Variants in SCAPER observed in about 807,000 individuals in gnomAD.
SCAPER encodes S-phase cyclin A associated protein in the ER.
A neutral mutation model predicts 182.2 loss-of-function variants in SCAPER; 98 were observed. The ratio of observed to expected loss-of-function variants is 0.54; its 90% CI spans 0.46 to 0.64. SCAPER has a LOEUF of 0.64. SCAPER is among the 30% of genes least tolerant of loss of function. The probability of loss-of-function intolerance (pLI) is 0.00; values close to 1 mark genes in which losing one functional copy is unlikely to be tolerated. For synonymous variants in SCAPER, 605 were observed against 564.6 expected, an observed-to-expected ratio of 1.07 and a Z score of -1.01; for missense variants, 1,432 against 1,690.0, an observed-to-expected ratio of 0.85 and a Z score of 2.68.
intron 29 of SCAPER, among the ~76,000 whole-genome samples, chr15:76,360,218 A>G (rs1166988622): frequency 1.3e-5 from 2 of 152,224 alleles, no homozygotes; most frequent in African/African-American, 2.4e-5. Flanking sequence ...TTCTAGGACA[A>G]TGCTTTGCCA....
At chr15:76,884,833 T>C (rs758855341) in intron 1 of SCAPER, among the ~76,000 whole-genome samples, 4 of 152,050 alleles carry the variant, frequency 2.6e-5, no homozygotes, top group African/African-American at 7.2e-5. Context: ...TAAAAATGGA[T>C]AGACCAAAAA....
At chr15:76,851,235 G>A (rs1599097559) in intron 4 of SCAPER, among the ~76,000 whole-genome samples, 1 of 151,814 alleles carries the variant, frequency 6.6e-6, no homozygotes, top group African/African-American at 2.4e-5. Flanking sequence ...GAAAAGGATG[G>A]GGAGAAAACA....
At chr15:76,855,457 CAAAAAAAA>C (rs34226154) in intron 4 of SCAPER, among the ~76,000 whole-genome samples, 22 of 116,300 alleles carry the variant, frequency 1.9e-4, no homozygotes, top group Admixed American at 3.4e-4. Flanking sequence ...TTCTGCACAG[CAAAAAAAA>C]AAAAAAAAAA....
At chr15:76,777,248 G>A (rs1189966759) in intron 8 of SCAPER, among the ~76,000 whole-genome samples, 1 of 152,096 alleles carries the variant, frequency 6.6e-6, no homozygotes, top group Non-Finnish European at 1.5e-5. Flanking sequence ...TGCCCATTGT[G>A]AATTTTATTA....
At chr15:76,791,136 A>C (rs2064976363) in intron 8 of SCAPER, among the ~76,000 whole-genome samples, 1 of 152,228 alleles carries the variant, frequency 6.6e-6, no homozygotes, top group Non-Finnish European at 1.5e-5. Context: ...ATTTAATCCC[A>C]CTGTGATCAG....
At chr15:76,706,116 G>A in intron 17 of SCAPER, 132 bp from the exon 18 acceptor site, 1 of 552,792 alleles carries the variant, frequency 1.8e-6, no homozygotes, top group Non-Finnish European at 3.0e-6. Context: ...TCTTCTTAAA[G>A]TGCCTACTAA....
At chr15:76,658,063 A>C (rs2055822940) in intron 21 of SCAPER, among the ~76,000 whole-genome samples, 1 of 152,184 alleles carries the variant, frequency 6.6e-6, no homozygotes, top group African/African-American at 2.4e-5. Context: ...AATCCTAACC[A>C]GAGCAATCAG....
At chr15:76,461,233 G>A (rs1057230453) in intron 25 of SCAPER, among the ~76,000 whole-genome samples, 37 of 151,966 alleles carry the variant, frequency 2.4e-4, no homozygotes, top group African/African-American at 7.5e-4. Flanking sequence ...GGGTACTGAC[G>A]TTGACATAGC....
chr15:76,782,496 T>A (rs912706670), intron 8 of SCAPER, among the ~76,000 whole-genome samples: 3 of 152,096 alleles, frequency 2.0e-5, no homozygotes, highest in African/African-American at 7.2e-5. Flanking sequence ...AGCAAAGATA[T>A]CCATGACTTG....
At position 76,567,136 on chromosome 15, in the gene SCAPER, G is replaced by A. The variant is rs73455162; in HGVS notation, c.2838+7022C>T. The stretch of plus-strand genomic sequence containing the variant: ...GTCTTTTCTTGAACTTTATATGACT[G>A]GAATTGTAACAGTATATATATTTTT... On this transcript the variant is annotated intron_variant, in intron 23 of 31. Coordinates refer to ENST00000563290, the MANE Select transcript of SCAPER (RefSeq NM_020843.4). 698 of 241,250 alleles carry A rather than the reference G, an allele frequency of 2.9e-3. 7 individuals are homozygous for A. The highest frequency in any genetic ancestry group is 0.015 in the African/African-American group (661 of 43,170). 14.9% of individuals were successfully genotyped at this position (241,250 alleles called of 1,614,324 possible). A position where few individuals can be genotyped will look rare whatever the true frequency, so the allele number is the denominator to read the frequency against.
chr15:76,478,199 TATC>T, intron 24 of SCAPER, among the ~76,000 whole-genome samples: 1 of 149,314 alleles, frequency 6.7e-6, no homozygotes, highest in Non-Finnish European at 1.5e-5. Flanking sequence ...AGTTGCTATT[TATC>T]ATCATCTTTT....
chr15:76,555,994 C>A (rs549089285), intron 23 of SCAPER, among the ~76,000 whole-genome samples: 58 of 152,252 alleles, frequency 3.8e-4, no homozygotes, highest in African/African-American at 1.2e-3. Flanking sequence ...TAAAACAATT[C>A]TCAGCAAATT....
rs2049980785 is a variant in SCAPER, at chr15:76,602,235, C to T, written c.2711+19529G>A. 1.6e-5 allele frequency among the ~76,000 whole-genome samples: 2 copies of T among 121,876 alleles called. 1 individual carries two copies. The highest frequency in any genetic ancestry group is 4.0e-5 in the Non-Finnish European group (2 of 50,108). The allele number at this position is 121,876 out of a possible 152,430, so 80.0% of individuals were successfully genotyped here. A position where few individuals can be genotyped will look rare whatever the true frequency, so the allele number is the denominator to read the frequency against. ...AAATTATTCCTTTTGTTATACAGAT[C>T]TGAGTTTCTGATCTGTATCATTTAA... On this transcript the variant is annotated intron_variant, in intron 22 of 31. Transcript: ENST00000563290.
chr15:76,370,829 C>T (rs2042116124), intron 29 of SCAPER, among the ~76,000 whole-genome samples: 1 of 152,204 alleles, frequency 6.6e-6, no homozygotes, highest in Non-Finnish European at 1.5e-5. Context: ...TGTTCATTTA[C>T]ACTTTCCAAG....
chr15:76,779,005 T>C (rs2063923195), intron 8 of SCAPER, among the ~76,000 whole-genome samples: 2 of 151,878 alleles, frequency 1.3e-5, no homozygotes, highest in African/African-American at 4.8e-5. Context: ...TATTGGATAA[T>C]GATAAAAAGT....
intron 15 of SCAPER, among the ~76,000 whole-genome samples, chr15:76,748,795 T>C (rs1271104300): frequency 6.6e-6 from 1 of 151,522 alleles, no homozygotes; most frequent in African/African-American, 2.4e-5. Context: ...ATTTCTTGAG[T>C]GACACAAATT....
At chr15:76,830,558 T>C (rs1033567765) in intron 5 of SCAPER, among the ~76,000 whole-genome samples, 1 of 151,740 alleles carries the variant, frequency 6.6e-6, no homozygotes, top group East Asian at 1.9e-4. Context: ...ATCCATTGGA[T>C]AGTGAGTGGT....
chr15:76,562,224 T>C (rs1415601420), intron 23 of SCAPER, among the ~76,000 whole-genome samples: 1 of 148,104 alleles, frequency 6.8e-6, no homozygotes, highest in African/African-American at 2.5e-5. Flanking sequence ...TATAGGAGAA[T>C]ATCTTCTTTA....
chr15:76,702,800 T>C (rs770783545), intron 19 of SCAPER, 50 bp downstream of exon 19: 3 of 1,555,060 alleles, frequency 1.9e-6, no homozygotes, highest in Admixed American at 4.4e-5. Context: ...CATGGTTTCA[T>C]AAACTTTAGT....
Sources: allele counts gnomAD v4.1 joint callset (sites outside exome capture counted in the v4.1 genomes callset), GRCh38; gene constraint gnomAD v4.1.1; transcripts MANE v1.5; gene names NCBI Gene and HGNC (gene_info 2026-07-23, HGNC 2026-07-21).